The following TRIM26 variants were observed in gnomAD, a reference collection of about 807,000 sequenced individuals.
TRIM26 encodes tripartite motif containing 26, also known as tripartite motif-containing protein 26.
In TRIM26, 16 loss-of-function variants were observed where a neutral mutation model predicts 45.5. The ratio of observed to expected loss-of-function variants is 0.35; its 90% CI spans 0.24 to 0.53. TRIM26 has a LOEUF of 0.53. TRIM26 is among the 20% of genes least tolerant of loss of function. The pLI is 0.92. For missense variants in TRIM26, 442 were observed against 691.1 expected (o/e 0.64, Z 4.04); for synonymous variants, 273 against 290.4 (o/e 0.94, Z 0.61).
At chr6:30,202,934 T>C (rs1006844156) in intron 2 of TRIM26, among the ~76,000 whole-genome samples, 2 of 152,140 alleles carry the variant, frequency 1.3e-5, no homozygotes, top group Admixed American at 1.3e-4. Flanking sequence ...TGAACCTTGA[T>C]TGGATCCTGT....
In TRIM26 at chr6:30,185,726, G is replaced by T; in HGVS notation, c.*150C>A. On this transcript the variant is annotated 3_prime_UTR_variant, in exon 10 of 10. Transcript: ENST00000454678. The surrounding 1 kb of genome is among the most constrained non-coding windows in gnomAD (Gnocchi z 5.7). The stretch of plus-strand genomic sequence containing the variant: ...CAACAGCACTGAGTGAGATTTCAGG[G>T]GGCCACAGCAATGGGGAGGTGGCTA... The T allele has an allele frequency of 1.2e-6, 1 of 823,724 alleles. No homozygotes were observed. Among genetic ancestry groups the T allele is most frequent in the Non-Finnish European group, 1.9e-6 (1 of 530,196 alleles). 51.0% of individuals were successfully genotyped at this position (823,724 alleles called of 1,614,324 possible). A position where few individuals can be genotyped will look rare whatever the true frequency, so the allele number is the denominator to read the frequency against.
rs753765489 is a variant in TRIM26 at position 30,185,860 on chromosome 6, G to A, written c.*16C>T. On this transcript the variant is annotated 3_prime_UTR_variant, in exon 10 of 10. Coordinates refer to ENST00000454678, the MANE Select transcript of TRIM26 (RefSeq NM_003449.5). This position sits in a 1 kb window ranked among gnomAD's most constrained non-coding sequence, Gnocchi z 5.7. ...TGAAGCATCTGAGGGTTGGGGCTGGGGGCAGATGTCAGGGCTCAGGGTCTT... is the reference window on the plus strand; with the variant it reads ...TGAAGCATCTGAGGGTTGGGGCTGGAGGCAGATGTCAGGGCTCAGGGTCTT... The A allele has an allele frequency of 2.5e-6, 4 of 1,600,236 alleles. 1 individual carries two copies. The South Asian group carries it at 4.5e-5, about 18-fold the overall frequency.
Position 30,189,073 on chromosome 6 carries a change from G to T in TRIM26, c.937+94C>A. ...TGGGAAATTCTTCCTGTTGCAAAAG[G>T]GGCTACCTGGGGGAAAAGTGAGCAG... On this transcript the variant is annotated intron_variant, in intron 9 of 9. Transcript: ENST00000454678. This position sits in a 1 kb window ranked among gnomAD's most constrained non-coding sequence, Gnocchi z 5.0. 1 of 1,397,282 alleles carries T rather than the reference G, an allele frequency of 7.2e-7. No homozygotes were observed. The allele number at this position is 1,397,282 out of a possible 1,614,324, so 86.6% of individuals were successfully genotyped here. A position where few individuals can be genotyped will look rare whatever the true frequency, so the allele number is the denominator to read the frequency against.
In TRIM26 at chr6:30,196,838, C is replaced by T. The variant is rs1776530851; in HGVS notation, c.535-92G>A. ...GTGTGCAAGGCTGGCTCGTTCACCT[C>T]GCTACCCCCGTTCAGGAATTCTACA... is the stretch of plus-strand genomic sequence containing the variant. On this transcript the variant is annotated intron_variant, in intron 5 of 9. Coordinates refer to ENST00000454678, the MANE Select transcript of TRIM26 (RefSeq NM_003449.5). The surrounding 1 kb of genome is among the most constrained non-coding windows in gnomAD (Gnocchi z 4.9). 9.7e-6 allele frequency: 12 copies of T among 1,243,240 alleles called. No homozygotes were observed. The highest frequency in any genetic ancestry group is 1.4e-5 in the Non-Finnish European group (12 of 876,380). 77.0% of individuals were successfully genotyped at this position (1,243,240 alleles called of 1,614,324 possible). A position where few individuals can be genotyped will look rare whatever the true frequency, so the allele number is the denominator to read the frequency against.
At position 30,187,323 on chromosome 6, in the gene TRIM26, G is replaced by A. The variant is rs117860078; in HGVS notation, c.938-765C>T. 32 of 319,900 alleles carry A rather than the reference G, an allele frequency of 1.0e-4. No individual in the cohort carries two copies. In the East Asian group the frequency reaches 2.8e-3, roughly 28 times the overall value. 19.8% of individuals were successfully genotyped at this position (319,900 alleles called of 1,614,324 possible). ...GCAATTTTATTGCACAAATTAAGCT[G>A]TCATCCACGGGATTAGAAAAGAGGG... On this transcript the variant is annotated intron_variant, in intron 9 of 9. Transcript: ENST00000454678.
chr6:30,200,619 G>A (rs1310726769), intron 3 of TRIM26, among the ~76,000 whole-genome samples: 1 of 152,218 alleles, frequency 6.6e-6, no homozygotes, highest in Non-Finnish European at 1.5e-5. Flanking sequence ...CACACAGAAA[G>A]GACTCTGCTT....
Position 30,184,648 on chromosome 6 carries a change from CAAGT to C in TRIM26, c.*1224_*1227del, listed in dbSNP as rs1027103721. 3.9e-5 allele frequency: 6 copies of C among 152,678 alleles called. No homozygotes were observed. Among genetic ancestry groups the C allele is most frequent in the African/African-American group, 1.4e-4 (6 of 41,446 alleles). 9.5% of individuals were successfully genotyped at this position (152,678 alleles called of 1,614,324 possible). On this transcript the variant is annotated 3_prime_UTR_variant, in exon 10 of 10. Coordinates refer to ENST00000454678, the MANE Select transcript of TRIM26 (RefSeq NM_003449.5). Reference sequence around the variant, plus strand: ...TGGGCAGCTCTGAGACAATGGTGGTCAAGTGACCACTGAGGCCCAGAGCCGTTGG... The same window carrying C: ...TGGGCAGCTCTGAGACAATGGTGGTCGACCACTGAGGCCCAGAGCCGTTGG...
intron 2 of TRIM26, among the ~76,000 whole-genome samples, chr6:30,201,959 GT>G (rs1345845550): frequency 1.3e-5 from 2 of 152,218 alleles, no homozygotes; most frequent in East Asian, 3.8e-4. Flanking sequence ...TACTGCAAGT[GT>G]TTGGAAAGAG....
chr6:30,187,282 GACC>G (rs1288309383), intron 9 of TRIM26: 2 of 304,766 alleles, frequency 6.6e-6, no homozygotes, highest in Non-Finnish European at 6.9e-6. Flanking sequence ...TTCCAAAACT[GACC>G]CTGTCAACTT....
chr6:30,193,201 T>A (rs1404618817), intron 6 of TRIM26, among the ~76,000 whole-genome samples: 1 of 129,666 alleles, frequency 7.7e-6, no homozygotes, highest in Admixed American at 8.3e-5. Flanking sequence ...TTTTTTTTTT[T>A]AATGGAGTCT....
chr6:30,184,642 G>A lies in TRIM26; in HGVS notation c.*1234C>T, dbSNP rs1470196605. ...ACAAAGTGGGCAGCTCTGAGACAAT[G>A]GTGGTCAAGTGACCACTGAGGCCCA... On this transcript the variant is annotated 3_prime_UTR_variant, in exon 10 of 10. Coordinates refer to ENST00000454678, the MANE Select transcript of TRIM26 (RefSeq NM_003449.5). 1 of 152,700 alleles carries A rather than the reference G, an allele frequency of 6.5e-6. No individual in the cohort carries two copies. The highest frequency in any genetic ancestry group is 1.5e-5 in the Non-Finnish European group (1 of 68,062). The allele number at this position is 152,700 out of a possible 1,614,324, so 9.5% of individuals were successfully genotyped here. A position where few individuals can be genotyped will look rare whatever the true frequency, so the allele number is the denominator to read the frequency against.
chr6:30,196,310 G>A lies in TRIM26; in HGVS notation c.765+206C>T, dbSNP rs1043616453. Reference sequence around the variant, plus strand: ...TTTTTTGAACAGTTTTGTGTAAAAAGTTTATTTTTTGAAGTGACAGCATGC... The same window carrying A: ...TTTTTTGAACAGTTTTGTGTAAAAAATTTATTTTTTGAAGTGACAGCATGC... On this transcript the variant is annotated intron_variant, in intron 6 of 9. Coordinates refer to ENST00000454678, the MANE Select transcript of TRIM26 (RefSeq NM_003449.5). This position sits in a 1 kb window ranked among gnomAD's most constrained non-coding sequence, Gnocchi z 4.9. Among the ~76,000 whole-genome samples, 2 of 152,220 alleles carry A rather than the reference G, an allele frequency of 1.3e-5. No homozygotes were observed. The highest frequency in any genetic ancestry group is 2.9e-5 in the Non-Finnish European group (2 of 68,028).
chr6:30,185,558 G>T lies in TRIM26; in HGVS notation c.*318C>A. ...ACACTGGGCAAGAAAATGCTGCATC[G>T]GGCCCTTATTCCAGAGAGTGCAGAG... On this transcript the variant is annotated 3_prime_UTR_variant, in exon 10 of 10. Coordinates refer to ENST00000454678, the MANE Select transcript of TRIM26 (RefSeq NM_003449.5). This position sits in a 1 kb window ranked among gnomAD's most constrained non-coding sequence, Gnocchi z 5.7. 1 of 381,790 alleles carries T rather than the reference G, an allele frequency of 2.6e-6. No homozygotes were observed. Among genetic ancestry groups the T allele is most frequent in the Non-Finnish European group, 4.7e-6 (1 of 214,634 alleles). 23.7% of individuals were successfully genotyped at this position (381,790 alleles called of 1,614,324 possible).
At chr6:30,193,907 T>G (rs1020946109) in intron 6 of TRIM26, among the ~76,000 whole-genome samples, 1 of 152,240 alleles carries the variant, frequency 6.6e-6, no homozygotes, top group Admixed American at 6.5e-5. Context: ...TGCAGTAGAC[T>G]TTTTATGTTG....
intron 1 of TRIM26, among the ~76,000 whole-genome samples, chr6:30,206,800 T>C (rs1430720762): frequency 2.6e-5 from 4 of 152,140 alleles, no homozygotes; most frequent in Non-Finnish European, 1.5e-5. Context: ...TCCCAGGAGA[T>C]TCTAAAGTCT....
intron 6 of TRIM26, among the ~76,000 whole-genome samples, chr6:30,193,188 T>G: frequency 1.4e-5 from 1 of 72,904 alleles, no homozygotes; most frequent in South Asian, 4.5e-4. Context: ...ATATATTTTT[T>G]TTTTTTTTTT....
chr6:30,190,642 T>C lies in TRIM26; in HGVS notation c.766-607A>G, dbSNP rs751513387. On this transcript the variant is annotated intron_variant, in intron 6 of 9. Transcript: ENST00000454678. This position sits in a 1 kb window ranked among gnomAD's most constrained non-coding sequence, Gnocchi z 4.3. Reference sequence around the variant, plus strand: ...GGTCATGAGACTAAGTTCCAGCCAATGGAATGTGATAGAAAGCAATGACCA... The same window carrying C: ...GGTCATGAGACTAAGTTCCAGCCAACGGAATGTGATAGAAAGCAATGACCA... Among the ~76,000 whole-genome samples, 4 of 152,192 alleles carry C rather than the reference T, an allele frequency of 2.6e-5. No individual in the cohort carries two copies. The highest frequency in any genetic ancestry group is 5.9e-5 in the Non-Finnish European group (4 of 68,026).
At chr6:30,197,180 T>C (rs541008759) in intron 5 of TRIM26, among the ~76,000 whole-genome samples, 12 of 152,192 alleles carry the variant, frequency 7.9e-5, no homozygotes, top group Non-Finnish European at 1.8e-4. Context: ...CTGTTCAGTC[T>C]AAAATATCTA....
chr6:30,199,857 T>G (rs1182575211), intron 3 of TRIM26, among the ~76,000 whole-genome samples: 1 of 152,090 alleles, frequency 6.6e-6, no homozygotes, highest in African/African-American at 2.4e-5. Flanking sequence ...AGGATGGTCT[T>G]GATCTCCCGA....
Sources: allele counts gnomAD v4.1 joint callset (sites outside exome capture counted in the v4.1 genomes callset), GRCh38; gene constraint gnomAD v4.1.1; non-coding constraint Gnocchi (gnomAD v3.1); transcripts MANE v1.5; gene names NCBI Gene and HGNC (gene_info 2026-07-23, HGNC 2026-07-21).